The following NDST3 variants were observed in gnomAD, a reference collection of about 807,000 sequenced individuals.
NDST3 encodes the protein bifunctional heparan sulfate N-deacetylase/N-sulfotransferase 3.
A neutral mutation model predicts 96.1 loss-of-function variants in NDST3; 58 were observed. The ratio of observed to expected loss-of-function variants is 0.60; its 90% CI spans 0.49 to 0.75. The LOEUF (loss-of-function observed/expected upper bound fraction) is 0.75, where lower values mean the gene tolerates loss of function less well. NDST3 is among the 30% of genes least tolerant of loss of function. NDST3 has a pLI of 0.00. For synonymous variants in NDST3, 333 were observed against 359.7 expected, an observed-to-expected ratio of 0.93 and a Z score of 0.84; for missense variants, 788 against 1,034.2, an observed-to-expected ratio of 0.76 and a Z score of 3.27.
chr4:118,237,018 T>C, intron 9 of NDST3, 28 bp from the exon 10 acceptor site: 1 of 1,533,228 alleles, frequency 6.5e-7, no homozygotes, highest in Non-Finnish European at 8.9e-7. Context: ...ACCAGAATCT[T>C]ATTTTGAGAA....
intron 2 of NDST3, among the ~76,000 whole-genome samples, chr4:118,103,064 A>G (rs1346546682): frequency 6.6e-6 from 1 of 152,142 alleles, no homozygotes; most frequent in Non-Finnish European, 1.5e-5. Context: ...TAAGAAGAAG[A>G]CAGGTTTCTT....
intron 1 of NDST3, among the ~76,000 whole-genome samples, chr4:118,040,533 C>A (rs1357024809): frequency 1.3e-5 from 2 of 152,130 alleles, no homozygotes; most frequent in African/African-American, 4.8e-5. Flanking sequence ...CTAAAATGCT[C>A]ATAGCTATCC....
intron 6 of NDST3, among the ~76,000 whole-genome samples, chr4:118,157,065 C>A (rs568357853): frequency 1.3e-5 from 2 of 152,064 alleles, no homozygotes; most frequent in Non-Finnish European, 2.9e-5. Flanking sequence ...ACAACCTAAA[C>A]ATCCATCCAT....
At chr4:118,158,231 T>C (rs1297444707) in intron 6 of NDST3, among the ~76,000 whole-genome samples, 1 of 152,196 alleles carries the variant, frequency 6.6e-6, no homozygotes, top group African/African-American at 2.4e-5. Flanking sequence ...TAAATACTAT[T>C]TCTCCCCAAA....
chr4:118,235,175 A>T (rs868602549), intron 9 of NDST3, among the ~76,000 whole-genome samples: 21 of 152,120 alleles, frequency 1.4e-4, no homozygotes, highest in African/African-American at 4.8e-4. Flanking sequence ...AGAAGTAGAA[A>T]AACTTAAGGG....
At position 118,226,918 on chromosome 4, in the gene NDST3, T is replaced by G. The variant is rs1739919503; in HGVS notation, c.1755T>G (p.Ile585Met). The G allele has an allele frequency of 6.2e-7, 1 of 1,613,688 alleles. No homozygotes were observed. The highest frequency in any genetic ancestry group is 8.5e-7 in the Non-Finnish European group (1 of 1,179,854). Residue 585 changes from isoleucine to methionine, a missense_variant, in exon 8 of 14, where the codon ATT (isoleucine) becomes ATG (methionine). Around this residue, in one of 3 missense-constraint regions of NDST3, gnomAD observed 490 missense variants for 708.8 expected, o/e 0.69. Coordinates refer to ENST00000296499, the MANE Select transcript of NDST3 (RefSeq NM_004784.3). ...NPCDDKRHRDIWSKEKTCDRL... is the reference protein window; with the variant it reads ...NPCDDKRHRDMWSKEKTCDRL... ...GCGATGACAAACGCCACAGAGACAT[T>G]TGGTCTAAAGAAAAAACTTGTGATC...
chr4:118,099,953 CAGTG>C (rs1234916283), intron 2 of NDST3, among the ~76,000 whole-genome samples: 3 of 152,004 alleles, frequency 2.0e-5, no homozygotes, highest in Admixed American at 6.6e-5. Context: ...GCAGATTGTA[CAGTG>C]AGTAAGTGTT....
chr4:118,146,112 C>T (rs1239805259), intron 6 of NDST3, among the ~76,000 whole-genome samples: 3 of 152,176 alleles, frequency 2.0e-5, no homozygotes, highest in African/African-American at 4.8e-5. Flanking sequence ...GATCCAGATG[C>T]AGTAAGGCAT....
At chr4:118,200,846 A>C (rs1738029956) in intron 6 of NDST3, among the ~76,000 whole-genome samples, 1 of 151,916 alleles carries the variant, frequency 6.6e-6, no homozygotes, top group Non-Finnish European at 1.5e-5. Flanking sequence ...GTTACATAGG[A>C]ATATTGTATG....
chr4:118,139,835 T>A (rs1238367030), intron 5 of NDST3, among the ~76,000 whole-genome samples: 6 of 152,214 alleles, frequency 3.9e-5, no homozygotes, highest in African/African-American at 1.4e-4. Context: ...TATATCTTTT[T>A]TATTTCCTTT....
At chr4:118,220,581 G>A (rs143797669) in intron 6 of NDST3, among the ~76,000 whole-genome samples, 9 of 151,962 alleles carry the variant, frequency 5.9e-5, no homozygotes, top group African/African-American at 1.7e-4. Flanking sequence ...AAACCTACAC[G>A]TTCTGCACTT....
chr4:118,180,206 G>T (rs964465888), intron 6 of NDST3, among the ~76,000 whole-genome samples: 1 of 152,052 alleles, frequency 6.6e-6, no homozygotes, highest in Non-Finnish European at 1.5e-5. Flanking sequence ...CATCAACCAG[G>T]TACTGAGAAT....
chr4:118,142,314 T>A (rs1733628982), intron 5 of NDST3, among the ~76,000 whole-genome samples: 1 of 151,958 alleles, frequency 6.6e-6, no homozygotes, highest in Non-Finnish European at 1.5e-5. Context: ...AGTTTTTATT[T>A]ATGCAGATAT....
chr4:118,193,862 GA>G, intron 6 of NDST3: 1 of 1,155,852 alleles, frequency 8.7e-7, no homozygotes. Flanking sequence ...TTCCTCATTG[GA>G]AAAACTAGAC....
chr4:118,112,866 T>G (rs533033219), intron 3 of NDST3, among the ~76,000 whole-genome samples: 1 of 152,146 alleles, frequency 6.6e-6, no homozygotes, highest in East Asian at 1.9e-4. Flanking sequence ...GCGCCAAGAA[T>G]GCTGGTGACT....
rs116470879 is a variant in NDST3 at position 118,240,752 on chromosome 4, C to T, written c.2289+58C>T. The T allele has an allele frequency of 9.1e-4, 1,348 of 1,474,902 alleles. 16 individuals are homozygous for T. The African/African-American group carries it at 0.018, about 19-fold the overall frequency. 91.4% of individuals were successfully genotyped at this position (1,474,902 alleles called of 1,614,324 possible). On this transcript the variant is annotated intron_variant, in intron 11 of 13. Transcript: ENST00000296499. ...AATCTCATTAAGTTGATGACTTTGC[C>T]TTAAGGTTAAGAAAATTTTCAATTG...
chr4:118,248,865 C>T (rs1303936739), intron 12 of NDST3, among the ~76,000 whole-genome samples: 1 of 152,202 alleles, frequency 6.6e-6, no homozygotes, highest in Non-Finnish European at 1.5e-5. Context: ...CAATGAACAG[C>T]AGTCCCTTCA....
At chr4:118,064,291 G>A (rs1376152698) in intron 2 of NDST3, among the ~76,000 whole-genome samples, 1 of 152,106 alleles carries the variant, frequency 6.6e-6, no homozygotes, top group East Asian at 1.9e-4. Context: ...AATAGAAAAA[G>A]TCAAGGAAAT....
chr4:118,137,903 G>T, intron 4 of NDST3, 151 bp from the exon 5 acceptor site: 1 of 617,958 alleles, frequency 1.6e-6, no homozygotes, highest in Non-Finnish European at 2.6e-6. Flanking sequence ...ACGTCTAGAG[G>T]TGTTAATACT....
Sources: gnomAD v4.1 joint callset for allele counts (sites outside exome capture counted in the v4.1 genomes callset) on GRCh38, gnomAD v4.1.1 for gene constraint, gnomAD v4.1.1 regional missense constraint, MANE v1.5 for transcripts, NCBI Gene and HGNC (gene_info 2026-07-23, HGNC 2026-07-21) for gene names.